The following TSHR variants were observed in gnomAD, a reference collection of about 807,000 sequenced individuals.
The protein encoded by TSHR is thyroid stimulating hormone receptor.
TSHR carries 51 observed loss-of-function variants against 64.1 expected under a neutral mutation model. The observed-to-expected ratio is 0.80, with a 90% CI of 0.64 to 1.01. The LOEUF is 1.01. Among genes scored for constraint, TSHR ranks in the 50% least tolerant of loss-of-function variants. The pLI is 0.00. For missense variants in TSHR, 877 were observed against 942.8 expected (o/e 0.93, Z 0.91); for synonymous variants, 361 against 361.9 (o/e 1.00, Z 0.03).
intron 8 of TSHR, among the ~76,000 whole-genome samples, chr14:81,113,085 T>G (rs915914335): frequency 6.6e-6 from 1 of 152,162 alleles, no homozygotes; most frequent in Non-Finnish European, 1.5e-5. Context: ...CCGGCTGTTG[T>G]GTTGAAAATA....
At chr14:81,108,544 T>C in intron 8 of TSHR, 92 bp downstream of exon 8, 1 of 1,608,668 alleles carries the variant, frequency 6.2e-7, no homozygotes. Context: ...AATCTTATGT[T>C]CAAGGGTAGA....
chr14:81,005,296 A>T (rs1288614023), intron 1 of TSHR, among the ~76,000 whole-genome samples: 2 of 152,066 alleles, frequency 1.3e-5, no homozygotes, highest in Non-Finnish European at 2.9e-5. Flanking sequence ...TCTAAAATAT[A>T]TTGGCACTCT....
At position 81,144,886 on chromosome 14, in the gene TSHR, T is replaced by C. The variant is rs1891872658; in HGVS notation, c.*533T>C. 1 of 236,456 alleles carries C rather than the reference T, an allele frequency of 4.2e-6. No homozygotes were observed. Among genetic ancestry groups the C allele is most frequent in the Admixed American group, 5.4e-5 (1 of 18,362 alleles). 14.6% of individuals were successfully genotyped at this position (236,456 alleles called of 1,614,324 possible). A position where few individuals can be genotyped will look rare whatever the true frequency, so the allele number is the denominator to read the frequency against. Reference sequence around the variant, plus strand: ...GCTGTCATACAAGAAACAGCTATTATGAGACATGAAGGAGGGTAAGAATTA... The same window carrying C: ...GCTGTCATACAAGAAACAGCTATTACGAGACATGAAGGAGGGTAAGAATTA... On this transcript the variant is annotated 3_prime_UTR_variant, in exon 10 of 10. Transcript: ENST00000298171.
chr14:81,054,917 G>T (rs1005067292), intron 1 of TSHR, among the ~76,000 whole-genome samples: 11 of 152,148 alleles, frequency 7.2e-5, no homozygotes, highest in African/African-American at 2.7e-4. Context: ...CAAGCCAGCT[G>T]CAGAAAATTG....
intron 1 of TSHR, among the ~76,000 whole-genome samples, chr14:80,967,399 C>T (rs911250012): frequency 2.0e-5 from 3 of 151,392 alleles, no homozygotes; most frequent in African/African-American, 7.3e-5. Flanking sequence ...GTTCTCCTGC[C>T]TCAGCCTCCC....
At chr14:80,982,446 T>C in intron 1 of TSHR, 1 of 1,179,214 alleles carries the variant, frequency 8.5e-7, no homozygotes, top group East Asian at 2.7e-5. Flanking sequence ...AGTTGGAGCC[T>C]GTGACTGGGG....
At chr14:80,991,593 A>G (rs1888728412) in intron 1 of TSHR, 1 of 398,606 alleles carries the variant, frequency 2.5e-6, no homozygotes, top group Non-Finnish European at 4.4e-6. Context: ...AAAATTCAAC[A>G]TTGAAGGAGA....
chr14:81,126,767 C>T (rs964364956), intron 8 of TSHR, among the ~76,000 whole-genome samples: 2 of 152,196 alleles, frequency 1.3e-5, no homozygotes, highest in East Asian at 1.9e-4. Flanking sequence ...ACGATAATTA[C>T]TTCTTCACTG....
intron 1 of TSHR, among the ~76,000 whole-genome samples, chr14:80,996,160 G>A (rs1203703200): frequency 2.0e-5 from 3 of 152,132 alleles, no homozygotes; most frequent in African/African-American, 7.2e-5. Context: ...ACTGCAGAGT[G>A]TTTTGTTGAA....
chr14:81,131,015 A>C (rs372111977), intron 8 of TSHR, among the ~76,000 whole-genome samples: 1 of 90,504 alleles, frequency 1.1e-5, no homozygotes, highest in Admixed American at 8.5e-5. Context: ...AAAAAAAAAA[A>C]AAAACACTGC....
At chr14:81,034,567 T>G (rs533263628) in intron 1 of TSHR, among the ~76,000 whole-genome samples, 1 of 152,364 alleles carries the variant, frequency 6.6e-6, no homozygotes, top group African/African-American at 2.4e-5. Context: ...CTCATATTTT[T>G]TTCTTCTTGC....
intron 8 of TSHR, among the ~76,000 whole-genome samples, chr14:81,126,554 A>T (rs1451561560): frequency 6.6e-6 from 1 of 152,212 alleles, no homozygotes. Context: ...AAAGTTACTT[A>T]TTTAAGTAAG....
At chr14:80,979,265 A>G (rs1888048936) in intron 1 of TSHR, among the ~76,000 whole-genome samples, 1 of 152,210 alleles carries the variant, frequency 6.6e-6, no homozygotes, top group South Asian at 2.1e-4. Flanking sequence ...TCGTAGAAGC[A>G]TCATGCATAT....
At chr14:81,094,214 C>G (rs1440243195) in intron 6 of TSHR, 3 of 152,192 alleles carry the variant, frequency 2.0e-5, no homozygotes, top group Admixed American at 2.0e-4. Context: ...CGACTTTGTA[C>G]CTGTATTCCT....
intron 3 of TSHR, among the ~76,000 whole-genome samples, chr14:81,077,864 A>G (rs1047621614): frequency 6.6e-5 from 10 of 152,116 alleles, no homozygotes; most frequent in Non-Finnish European, 1.3e-4. Flanking sequence ...TTTTGTGATT[A>G]CTCAAGAAAT....
At chr14:80,967,367 C>A (rs968649742) in intron 1 of TSHR, among the ~76,000 whole-genome samples, 8 of 148,992 alleles carry the variant, frequency 5.4e-5, no homozygotes, top group Non-Finnish European at 8.9e-5. Context: ...CTCTCTGCAA[C>A]CTGCACCTCC....
At chr14:81,061,572 T>C (rs1448019675) in intron 1 of TSHR, among the ~76,000 whole-genome samples, 4 of 151,978 alleles carry the variant, frequency 2.6e-5, no homozygotes, top group Non-Finnish European at 5.9e-5. Context: ...ATGTTCTCAC[T>C]TATAAGTGAG....
At chr14:81,049,676 A>C (rs543861787) in intron 1 of TSHR, 7 of 152,328 alleles carry the variant, frequency 4.6e-5, no homozygotes, top group African/African-American at 1.4e-4. Context: ...GTCCCTACCC[A>C]AGTCTCATCT....
At chr14:81,037,431 ACAAACAAACAAAC>A (rs1884693637) in intron 1 of TSHR, among the ~76,000 whole-genome samples, 5 of 146,334 alleles carry the variant, frequency 3.4e-5, no homozygotes, top group South Asian at 4.7e-4. Context: ...AAACAAACAA[ACAAACAAACAAAC>A]AAAAAACAGA....
Sources: allele counts gnomAD v4.1 joint callset (sites outside exome capture counted in the v4.1 genomes callset), GRCh38; gene constraint gnomAD v4.1.1; transcripts MANE v1.5; gene names NCBI Gene and HGNC (gene_info 2026-07-23, HGNC 2026-07-21).